Variants in EIF4ENIF1 observed in about 807,000 individuals in gnomAD.
EIF4ENIF1 encodes the protein eukaryotic translation initiation factor 4E transporter.
In EIF4ENIF1, 23 loss-of-function variants were observed where a neutral mutation model predicts 110.5. That is an observed-to-expected ratio of 0.21 (90% confidence interval 0.15 to 0.29). The LOEUF (loss-of-function observed/expected upper bound fraction) is 0.29. Among genes scored for constraint, EIF4ENIF1 ranks in the 10% least tolerant of loss-of-function variants. The probability of loss-of-function intolerance (pLI) is 1.00; values close to 1 mark genes in which losing one functional copy is unlikely to be tolerated. For synonymous variants in EIF4ENIF1, 440 were observed against 437.0 expected (o/e 1.01, Z -0.09); for missense variants, 1,031 against 1,221.1 (o/e 0.84, Z 2.32).
intron 2 of EIF4ENIF1, among the ~76,000 whole-genome samples, chr22:31,486,471 A>T (rs992458472): frequency 5.3e-5 from 8 of 151,466 alleles, no homozygotes; most frequent in Admixed American, 4.6e-4. Context: ...CTCAAAAAAA[A>T]TAATAAACAA....
intron 7 of EIF4ENIF1, among the ~76,000 whole-genome samples, chr22:31,456,504 T>C (rs971360394): frequency 3.3e-5 from 5 of 151,890 alleles, no homozygotes; most frequent in Non-Finnish European, 5.9e-5. Context: ...ATTACAAGCA[T>C]GAGCCACCAC....
downstream of EIF4ENIF1, among the ~76,000 whole-genome samples, chr22:31,439,106 G>A (rs887616777): frequency 6.6e-6 from 1 of 152,176 alleles, no homozygotes; most frequent in Non-Finnish European, 1.5e-5. Context: ...TGGCTGGTTA[G>A]AAATTAGGAA....
At position 31,463,109 on chromosome 22, in the gene EIF4ENIF1, C is replaced by A; in HGVS notation, c.610G>T (p.Val204Phe). ...TCATTTCTTCTACGCTCACCAAAGA[C>A]ACGCTTACTATCTCCAAACTCTCTC... ...FRREFGDSKR[V>F]FGERRRNDSY... The change falls in exon 6 of 19, where the codon GTC becomes TTC. Residue 204 changes from valine to phenylalanine, a missense_variant. Coordinates refer to ENST00000330125, the MANE Select transcript of EIF4ENIF1 (RefSeq NM_019843.4). The A allele has an allele frequency of 6.2e-7, 1 of 1,614,144 alleles. No individual in the cohort carries two copies. The highest frequency in any genetic ancestry group is 8.5e-7 in the Non-Finnish European group (1 of 1,180,024).
Position 31,442,027 on chromosome 22 carries a change from C to T in EIF4ENIF1, c.2298G>A (p.Ser766=), listed in dbSNP as rs1038144492. 18 of 1,613,976 alleles carry T rather than the reference C, an allele frequency of 1.1e-5. No individual in the cohort carries two copies. The highest frequency in any genetic ancestry group is 9.3e-5 in the African/African-American group (7 of 74,876). ...TGGCCTGGGACAGTGGGGTGGAACA[C>T]GAAGACCTCTGTAATGCTGACAGTT... ...NSKLSALQRS[S]CSTPLSQANR... is the part of the protein sequence containing the mutation. The change falls in exon 17 of 19, where the codon TCG becomes TCA. Residue 766 remains serine (S), a synonymous_variant. Coordinates refer to ENST00000330125, the MANE Select transcript of EIF4ENIF1 (RefSeq NM_019843.4).
chr22:31,474,782 T>C (rs1260117299), intron 2 of EIF4ENIF1, among the ~76,000 whole-genome samples: 1 of 152,204 alleles, frequency 6.6e-6, no homozygotes, highest in Admixed American at 6.5e-5. Flanking sequence ...TACTTTGAAA[T>C]ATTTTTTATA....
At chr22:31,458,384 A>G (rs4820048) in intron 7 of EIF4ENIF1, 91 bp downstream of exon 7, 501,883 of 1,160,092 alleles carry the variant, frequency 0.43, 112,466 homozygotes, top group Middle Eastern at 0.55. Flanking sequence ...AAACCCCAAA[A>G]GCATCTAGCA....
chr22:31,472,419 C>A (rs1183853205), intron 2 of EIF4ENIF1, among the ~76,000 whole-genome samples: 1 of 152,162 alleles, frequency 6.6e-6, no homozygotes, highest in Non-Finnish European at 1.5e-5. Context: ...CAGGCACACG[C>A]CACCATGCCT....
At chr22:31,438,644 A>G (rs923839884), downstream of EIF4ENIF1, among the ~76,000 whole-genome samples, 8 of 152,226 alleles carry the variant, frequency 5.3e-5, no homozygotes, top group African/African-American at 1.9e-4. Context: ...TCAGTCCAGT[A>G]TAAACTGACC....
At chr22:31,461,235 T>G (rs2050983518) in intron 6 of EIF4ENIF1, among the ~76,000 whole-genome samples, 1 of 152,122 alleles carries the variant, frequency 6.6e-6, no homozygotes, top group South Asian at 2.1e-4. Flanking sequence ...CCCAGGTTAG[T>G]CCCCACCTGG....
At chr22:31,460,861 G>A (rs1048412115) in intron 6 of EIF4ENIF1, among the ~76,000 whole-genome samples, 1 of 151,810 alleles carries the variant, frequency 6.6e-6, no homozygotes, top group Non-Finnish European at 1.5e-5. Flanking sequence ...CAGGAGAATG[G>A]CGTGAACCCG....
chr22:31,489,456 G>A (rs1267135452), intron 1 of EIF4ENIF1: 1 of 151,590 alleles, frequency 6.6e-6, no homozygotes, highest in Non-Finnish European at 1.5e-5. Context: ...TCAAGCTGGA[G>A]CTAGCGCAGG....
Position 31,488,747 on chromosome 22 carries a change from T to C in EIF4ENIF1, c.-27-2A>G, listed in dbSNP as rs916114261. Reference sequence around the variant, plus strand: ...TCCTTGGTCTACAATGCTCTGCACCTGGAAGATAAATCGGCACAAAATTGT... The same window carrying C: ...TCCTTGGTCTACAATGCTCTGCACCCGGAAGATAAATCGGCACAAAATTGT... On this transcript the variant is annotated splice_acceptor_variant, in intron 1 of 18. Coordinates refer to ENST00000330125, the MANE Select transcript of EIF4ENIF1 (RefSeq NM_019843.4). LOFTEE classifies it low-confidence loss of function (5UTR_SPLICE). The C allele has an allele frequency of 1.3e-6, 2 of 1,599,376 alleles. No homozygotes were observed. The highest frequency in any genetic ancestry group is 8.5e-7 in the Non-Finnish European group (1 of 1,174,210).
At chr22:31,487,097 T>C (rs1434135497) in intron 2 of EIF4ENIF1, among the ~76,000 whole-genome samples, 1 of 152,096 alleles carries the variant, frequency 6.6e-6, no homozygotes, top group Non-Finnish European at 1.5e-5. Flanking sequence ...TGGAAGATTT[T>C]CTTTTCCCTT....
chr22:31,492,548 C>CA (rs1045291349), upstream of EIF4ENIF1, among the ~76,000 whole-genome samples: 1 of 152,172 alleles, frequency 6.6e-6, no homozygotes, highest in Non-Finnish European at 1.5e-5. Context: ...TCTTACCTCT[C>CA]AAAGTCTCAC....
At chr22:31,452,544 G>C (rs556120465) in intron 10 of EIF4ENIF1, among the ~76,000 whole-genome samples, 1 of 152,168 alleles carries the variant, frequency 6.6e-6, no homozygotes, top group Non-Finnish European at 1.5e-5. Flanking sequence ...GCAATAAAAT[G>C]TGGAAAAACA....
At chr22:31,458,703 C>A in intron 6 of EIF4ENIF1, 53 bp from the exon 7 acceptor site, 1 of 1,469,656 alleles carries the variant, frequency 6.8e-7, no homozygotes, top group South Asian at 1.4e-5. Context: ...ACTCCAGTGT[C>A]CCTCTGTGGC....
At chr22:31,481,569 A>T (rs2051817607) in intron 2 of EIF4ENIF1, among the ~76,000 whole-genome samples, 1 of 152,176 alleles carries the variant, frequency 6.6e-6, no homozygotes. Flanking sequence ...ATCAAATAAG[A>T]TTTCTGTACT....
At chr22:31,483,570 T>C (rs536639947) in intron 2 of EIF4ENIF1, among the ~76,000 whole-genome samples, 2 of 152,046 alleles carry the variant, frequency 1.3e-5, no homozygotes, top group African/African-American at 2.4e-5. Context: ...CCTGAAGAGC[T>C]TGTTAAATGC....
At chr22:31,491,814 A>G (rs968007173), upstream of EIF4ENIF1, among the ~76,000 whole-genome samples, 5 of 152,168 alleles carry the variant, frequency 3.3e-5, no homozygotes, top group African/African-American at 1.2e-4. Flanking sequence ...AAGCACTGGG[A>G]TTACAGGCAT....
Sources: gnomAD v4.1 joint callset for allele counts (sites outside exome capture counted in the v4.1 genomes callset) on GRCh38, gnomAD v4.1.1 for gene constraint, MANE v1.5 for transcripts, NCBI Gene and HGNC (gene_info 2026-07-23, HGNC 2026-07-21) for gene names.